The following ADD3 variants were observed in gnomAD, a reference collection of about 807,000 sequenced individuals.
ADD3 encodes gamma-adducin.
A neutral mutation model predicts 80.2 loss-of-function variants in ADD3; 25 were observed. The observed-to-expected ratio is 0.31, with a 90% CI of 0.23 to 0.44. The LOEUF (loss-of-function observed/expected upper bound fraction) is 0.44. Among genes scored for constraint, ADD3 ranks in the 20% least tolerant of loss-of-function variants. ADD3 has a pLI of 1.00. For synonymous variants in ADD3, 284 were observed against 289.6 expected, an observed-to-expected ratio of 0.98 and a Z score of 0.20; for missense variants, 829 against 847.5, an observed-to-expected ratio of 0.98 and a Z score of 0.27.
chr10:110,070,929 A>G (rs1163622985), intron 1 of ADD3, among the ~76,000 whole-genome samples: 2 of 124,480 alleles, frequency 1.6e-5, no homozygotes, highest in South Asian at 2.5e-4. Flanking sequence ...TAGGCCTACA[A>G]ACACATCATG....
At chr10:110,075,592 T>C (rs534143352) in intron 1 of ADD3, 1 of 152,366 alleles carries the variant, frequency 6.6e-6, no homozygotes, top group East Asian at 1.9e-4. Context: ...GGCTGTGTTT[T>C]TCTTCTCTTG....
chr10:110,125,072 C>T (rs1200412146), intron 10 of ADD3, among the ~76,000 whole-genome samples: 1 of 152,112 alleles, frequency 6.6e-6, no homozygotes, highest in Non-Finnish European at 1.5e-5. Context: ...CTTATATAAA[C>T]TAATGGCATT....
intron 1 of ADD3, among the ~76,000 whole-genome samples, chr10:110,065,730 A>G (rs1589955479): frequency 6.7e-6 from 1 of 149,778 alleles, no homozygotes. Flanking sequence ...AGTAGAGACG[A>G]GGTTTCACCA....
intron 1 of ADD3, among the ~76,000 whole-genome samples, chr10:110,069,994 ATTAG>A (rs1384909760): frequency 6.6e-6 from 1 of 152,158 alleles, no homozygotes; most frequent in Non-Finnish European, 1.5e-5. Context: ...TCCCTTTTGT[ATTAG>A]TTGTAATCTG....
chr10:110,009,558 CTG>C lies in ADD3; in HGVS notation c.-30+1260_-30+1261del, dbSNP rs1852083235. Among the ~76,000 whole-genome samples, 3 of 152,244 alleles carry C rather than the reference CTG, an allele frequency of 2.0e-5. 1 individual carries two copies. The highest frequency in any genetic ancestry group is 7.2e-5 in the African/African-American group (3 of 41,526). On this transcript the variant is annotated intron_variant, in intron 1 of 14. Transcript: ENST00000356080. ...TTAAGTTACTTAACCCTATAAATAA[CTG>C]GAACATTATAAATGGAGCATTTGTA...
intron 13 of ADD3, 65 bp downstream of exon 13, chr10:110,130,551 G>A (rs529565198): frequency 5.1e-6 from 8 of 1,555,552 alleles, no homozygotes; most frequent in Admixed American, 1.8e-5. Context: ...ACCTCACGTT[G>A]GATGATAGAA....
At chr10:110,002,244 G>A (rs188341174), upstream of ADD3, among the ~76,000 whole-genome samples, 9 of 151,926 alleles carry the variant, frequency 5.9e-5, no homozygotes, top group South Asian at 2.1e-4. Context: ...GTAAGACTCC[G>A]TTTCAAACAC....
At chr10:110,109,954 T>C (rs1018463915) in intron 2 of ADD3, among the ~76,000 whole-genome samples, 6 of 152,132 alleles carry the variant, frequency 3.9e-5, no homozygotes, top group African/African-American at 1.2e-4. Context: ...TACAAGACAG[T>C]TTTTCTGATT....
At position 110,092,209 on chromosome 10, in the gene ADD3, T is replaced by A. The variant is rs80192451; in HGVS notation, c.-29-8416T>A. Among the ~76,000 whole-genome samples the A allele has an allele frequency of 6.3e-3, 954 of 152,248 alleles. 11 individuals are homozygous for A. Among genetic ancestry groups the A allele is most frequent in the African/African-American group, 0.022 (913 of 41,540 alleles). Reference sequence around the variant, plus strand: ...CTACCATTCAACCCAGCAATCCCATTTACTGGGTGTATACCCAAAGGAATA... The same window carrying A: ...CTACCATTCAACCCAGCAATCCCATATACTGGGTGTATACCCAAAGGAATA... On this transcript the variant is annotated intron_variant, in intron 1 of 14. Coordinates refer to ENST00000356080, the MANE Select transcript of ADD3 (RefSeq NM_016824.5).
chr10:110,088,144 A>G (rs1847033145), intron 1 of ADD3, among the ~76,000 whole-genome samples: 1 of 152,204 alleles, frequency 6.6e-6, no homozygotes, highest in Non-Finnish European at 1.5e-5. Flanking sequence ...CTAATCCAGT[A>G]TGATCTCAAC....
chr10:110,002,004 G>A (rs72828255), upstream of ADD3, among the ~76,000 whole-genome samples: 3 of 152,182 alleles, frequency 2.0e-5, no homozygotes, highest in Non-Finnish European at 4.4e-5. Context: ...AGAAACTAGC[G>A]ATTCTTGGCT....
chr10:110,000,491 C>T (rs917722041), intron 1 of ADD3, among the ~76,000 whole-genome samples: 10 of 152,188 alleles, frequency 6.6e-5, no homozygotes, highest in Non-Finnish European at 1.5e-4. Flanking sequence ...CTTTTGAGCA[C>T]CTACTATGTG....
intron 1 of ADD3, among the ~76,000 whole-genome samples, chr10:110,055,784 AAAATG>A (rs1858112938): frequency 6.6e-6 from 1 of 152,218 alleles, no homozygotes; most frequent in Admixed American, 6.5e-5. Context: ...TTTTGAGCAT[AAAATG>A]AAATGAAGGA....
At chr10:110,002,072 C>T (rs1354228696), upstream of ADD3, among the ~76,000 whole-genome samples, 6 of 152,002 alleles carry the variant, frequency 3.9e-5, no homozygotes, top group Admixed American at 6.6e-5. Flanking sequence ...GTGGGCAGAT[C>T]GCTCGAGGCC....
intron 1 of ADD3, among the ~76,000 whole-genome samples, chr10:110,029,759 ACTTTT>A (rs1174171166): frequency 5.3e-5 from 8 of 152,208 alleles, no homozygotes; most frequent in Non-Finnish European, 5.9e-5. Context: ...ATATGACAAG[ACTTTT>A]CTTACCTGAT....
chr10:110,008,747 G>T (rs901777012), intron 1 of ADD3, among the ~76,000 whole-genome samples: 1 of 152,178 alleles, frequency 6.6e-6, no homozygotes, highest in African/African-American at 2.4e-5. Context: ...GGGAGCGAAT[G>T]TTGGTTTTAG....
intron 5 of ADD3, among the ~76,000 whole-genome samples, chr10:110,118,372 T>C (rs1851047611): frequency 6.6e-6 from 1 of 152,218 alleles, no homozygotes; most frequent in African/African-American, 2.4e-5. Context: ...TAAAGTTTTA[T>C]GGGAACAAAG....
At chr10:110,077,928 C>T (rs967365998) in intron 1 of ADD3, among the ~76,000 whole-genome samples, 1 of 152,122 alleles carries the variant, frequency 6.6e-6, no homozygotes, top group Non-Finnish European at 1.5e-5. Flanking sequence ...TATCTATACT[C>T]TCTGGTGTGT....
chr10:110,065,626 G>A (rs1468179274), intron 1 of ADD3, among the ~76,000 whole-genome samples: 8 of 140,424 alleles, frequency 5.7e-5, no homozygotes, highest in East Asian at 2.2e-4. Flanking sequence ...TGCACCCTCC[G>A]CCTCCCAGGT....
Sources: gnomAD v4.1 joint callset for allele counts (sites outside exome capture counted in the v4.1 genomes callset) on GRCh38, gnomAD v4.1.1 for gene constraint, MANE v1.5 for transcripts, NCBI Gene and HGNC (gene_info 2026-07-23, HGNC 2026-07-21) for gene names.